ITM2B: variants seen among roughly 807,000 people sequenced by gnomAD.
The protein encoded by ITM2B is ABri/ADan amyloid peptide.
In ITM2B, 11 loss-of-function variants were observed where a neutral mutation model predicts 27.8. The observed-to-expected ratio is 0.40, with a 90% CI of 0.25 to 0.66. The LOEUF is 0.66. Among genes scored for constraint, ITM2B ranks in the 30% least tolerant of loss-of-function variants. The pLI is 0.43. For missense variants in ITM2B, 296 were observed against 328.9 expected, an observed-to-expected ratio of 0.90 and a Z score of 0.77; for synonymous variants, 114 against 114.3, an observed-to-expected ratio of 1.00 and a Z score of 0.02.
At position 48,262,707 on chromosome 13, in the gene ITM2B, G is replaced by A. The variant is rs1043822549; in HGVS notation, c.*1483G>A. 4 of 152,114 alleles carry A rather than the reference G, an allele frequency of 2.6e-5. No individual in the cohort carries two copies. Among genetic ancestry groups the A allele is most frequent in the South Asian group, 2.1e-4 (1 of 4,828 alleles). 9.4% of individuals were successfully genotyped at this position (152,114 alleles called of 1,614,324 possible). ...AAGAAGAAAAAAAGCCACTGCCGTC[G>A]TGGAGACTCACAATCTAGGAAAAGA... is the stretch of plus-strand genomic sequence containing the variant. On this transcript the variant is annotated 3_prime_UTR_variant, in exon 6 of 6. Coordinates refer to ENST00000647800, the MANE Select transcript of ITM2B (RefSeq NM_021999.5).
intron 1 of ITM2B, among the ~76,000 whole-genome samples, chr13:48,249,666 G>C (rs138894132): frequency 1.2e-3 from 186 of 152,202 alleles, no homozygotes; most frequent in African/African-American, 4.2e-3. Context: ...GTCAATTTTA[G>C]TGGGCATTCC....
intron 1 of ITM2B, among the ~76,000 whole-genome samples, chr13:48,247,332 G>A (rs1239025900): frequency 6.6e-6 from 1 of 151,952 alleles, no homozygotes; most frequent in Non-Finnish European, 1.5e-5. Flanking sequence ...TTGAATAAAT[G>A]GTATTGGTTC....
At position 48,262,854 on chromosome 13, in the gene ITM2B, T is replaced by C. The variant is rs1226980716; in HGVS notation, c.*1630T>C. 2 of 152,128 alleles carry C rather than the reference T, an allele frequency of 1.3e-5. No homozygotes were observed. The highest frequency in any genetic ancestry group is 2.9e-5 in the Non-Finnish European group (2 of 68,010). The allele number at this position is 152,128 out of a possible 1,614,324, so 9.4% of individuals were successfully genotyped here. A position where few individuals can be genotyped will look rare whatever the true frequency, so the allele number is the denominator to read the frequency against. On this transcript the variant is annotated 3_prime_UTR_variant, in exon 6 of 6. Coordinates refer to ENST00000647800, the MANE Select transcript of ITM2B (RefSeq NM_021999.5). Reference sequence around the variant, plus strand: ...TGAGACTTTCAGAATGTGAAGTGCATGGGATTAGGTCATGGAAGAAGACCA... The same window carrying C: ...TGAGACTTTCAGAATGTGAAGTGCACGGGATTAGGTCATGGAAGAAGACCA...
intron 1 of ITM2B, among the ~76,000 whole-genome samples, chr13:48,250,520 A>G (rs1951749564): frequency 6.6e-6 from 1 of 152,040 alleles, no homozygotes; most frequent in African/African-American, 2.4e-5. Flanking sequence ...CGGGAGACAG[A>G]GGCAGAAGAA....
At chr13:48,247,024 C>T (rs1951727850) in intron 1 of ITM2B, among the ~76,000 whole-genome samples, 1 of 152,152 alleles carries the variant, frequency 6.6e-6, no homozygotes, top group Non-Finnish European at 1.5e-5. Flanking sequence ...AGACGGGTTT[C>T]ACCATGTTGG....
intron 2 of ITM2B, chr13:48,254,877 CT>C (rs112734703): frequency 4.1e-4 from 60 of 146,978 alleles, no homozygotes; most frequent in African/African-American, 6.2e-4. Flanking sequence ...GGTGCATTAA[CT>C]TTTTTTTTTT....
In ITM2B at chr13:48,256,429, T is replaced by G. The variant is rs542014399; in HGVS notation, c.453+46T>G. The G allele has an allele frequency of 1.5e-5, 20 of 1,367,582 alleles. No homozygotes were observed. The Middle Eastern group carries it at 5.3e-4, about 36-fold the overall frequency. The allele number at this position is 1,367,582 out of a possible 1,614,324, so 84.7% of individuals were successfully genotyped here. A position where few individuals can be genotyped will look rare whatever the true frequency, so the allele number is the denominator to read the frequency against. On this transcript the variant is annotated intron_variant, in intron 3 of 5. Coordinates refer to ENST00000647800, the MANE Select transcript of ITM2B (RefSeq NM_021999.5). ...TGTAGAAAGAATGCAGGTTCTGTAG[T>G]TTATGCTTTTTGTAGTTTTAATTTC...
chr13:48,261,119 C>T lies in ITM2B; in HGVS notation c.716-20C>T. Reference sequence around the variant, plus strand: ...ATTAAAGAATCAAAATTTTAAAAAACTTTTTTCCCTCTCCAACAGGTATTC... The same window carrying T: ...ATTAAAGAATCAAAATTTTAAAAAATTTTTTTCCCTCTCCAACAGGTATTC... On this transcript the variant is annotated intron_variant, in intron 5 of 5. Transcript: ENST00000647800. 1 of 1,577,996 alleles carries T rather than the reference C, an allele frequency of 6.3e-7. No individual in the cohort carries two copies. Among genetic ancestry groups the T allele is most frequent in the Non-Finnish European group, 8.7e-7 (1 of 1,151,470 alleles).
At chr13:48,255,121 C>T (rs1045297113) in intron 2 of ITM2B, among the ~76,000 whole-genome samples, 1 of 152,014 alleles carries the variant, frequency 6.6e-6, no homozygotes, top group Non-Finnish European at 1.5e-5. Flanking sequence ...GGCGATCCAC[C>T]CACCTTGGCC....
chr13:48,233,262 C>T lies in ITM2B; in HGVS notation c.-99C>T, dbSNP rs1951645354. On this transcript the variant is annotated 5_prime_UTR_variant, in exon 1 of 6. Transcript: ENST00000647800. ...GAACCTCTTCAGCCGCCCGGAGCCG[C>T]TCCCGGAGCCCGGCCGTAGAGGCTG... 2 of 707,440 alleles carry T rather than the reference C, an allele frequency of 2.8e-6. No homozygotes were observed. Among genetic ancestry groups the T allele is most frequent in the Non-Finnish European group, 4.5e-6 (2 of 445,450 alleles). The allele number at this position is 707,440 out of a possible 1,614,324, so 43.8% of individuals were successfully genotyped here.
In ITM2B at chr13:48,248,054, C is replaced by A. The variant is rs188544640; in HGVS notation, c.118-5754C>A. The stretch of plus-strand genomic sequence containing the variant: ...AAATTAGGCCAGGTAAAGTTATATA[C>A]CCCAGTGAAGAAGCTCTTACTTGTT... On this transcript the variant is annotated intron_variant, in intron 1 of 5. Coordinates refer to ENST00000647800, the MANE Select transcript of ITM2B (RefSeq NM_021999.5). Among the ~76,000 whole-genome samples the A allele has an allele frequency of 2.7e-3, 408 of 151,944 alleles. 3 individuals are homozygous for A. Among genetic ancestry groups the A allele is most frequent in the Non-Finnish European group, 4.5e-3 (306 of 67,942 alleles).
chr13:48,253,367 G>A (rs1037088420), intron 1 of ITM2B, among the ~76,000 whole-genome samples: 3 of 152,102 alleles, frequency 2.0e-5, no homozygotes, highest in Admixed American at 2.0e-4. Context: ...CCTGTAGCAG[G>A]CCTAACACAT....
Position 48,251,850 on chromosome 13 carries a change from G to A in ITM2B, c.118-1958G>A, listed in dbSNP as rs368909887. The stretch of plus-strand genomic sequence containing the variant: ...TCCTTAGATATTTATGTCAGACAAG[G>A]GCTCAAGCAAAAGATGTATACTTCG... On this transcript the variant is annotated intron_variant, in intron 1 of 5. Coordinates refer to ENST00000647800, the MANE Select transcript of ITM2B (RefSeq NM_021999.5). Among the ~76,000 whole-genome samples, 6 of 152,198 alleles carry A rather than the reference G, an allele frequency of 3.9e-5. 1 individual carries two copies. The South Asian group carries it at 1.2e-3, about 32-fold the overall frequency.
chr13:48,240,973 C>T (rs563168666), intron 1 of ITM2B, among the ~76,000 whole-genome samples: 27 of 152,324 alleles, frequency 1.8e-4, no homozygotes, highest in African/African-American at 6.3e-4. Flanking sequence ...TAGATTAATT[C>T]AAAGCAATCA....
Position 48,233,375 on chromosome 13 carries a change from G to T in ITM2B, c.15G>T (p.Thr5=). 6.4e-7 allele frequency: 1 copy of T among 1,562,910 alleles called. No homozygotes were observed. The highest frequency in any genetic ancestry group is 8.6e-7 in the Non-Finnish European group (1 of 1,156,926). ...CAGGCCGCGCCATGGTGAAGGTGAC[G>T]TTCAACTCCGCTCTGGCCCAGAAGG... is the stretch of plus-strand genomic sequence containing the variant. MVKV[T]FNSALAQKEA... is the part of the protein sequence containing the mutation. Residue 5 remains threonine, a synonymous_variant, in exon 1 of 6, where the codon ACG becomes ACT. Transcript: ENST00000647800.
chr13:48,239,513 T>G (rs1269229771), intron 1 of ITM2B, among the ~76,000 whole-genome samples: 1 of 152,204 alleles, frequency 6.6e-6, no homozygotes, highest in Non-Finnish European at 1.5e-5. Flanking sequence ...GCGCCTGTGA[T>G]TCCAGCTTTT....
chr13:48,239,760 CA>C (rs908334754), intron 1 of ITM2B, among the ~76,000 whole-genome samples: 1 of 152,214 alleles, frequency 6.6e-6, no homozygotes, highest in Non-Finnish European at 1.5e-5. Flanking sequence ...TAGCCCAAAA[CA>C]CTGAAGGCAT....
rs750011562 is a variant in ITM2B at position 48,265,994 on chromosome 13, G to T, written c.*4770G>T. 6.6e-6 allele frequency: 1 copy of T among 152,094 alleles called. No individual in the cohort carries two copies. Among genetic ancestry groups the T allele is most frequent in the Non-Finnish European group, 1.5e-5 (1 of 68,030 alleles). 9.4% of individuals were successfully genotyped at this position (152,094 alleles called of 1,614,324 possible). A position where few individuals can be genotyped will look rare whatever the true frequency, so the allele number is the denominator to read the frequency against. ...TTAGTAGGGCACCTGACACATAGTT[G>T]CAGCTCTTATTTATTGAATGAATGA... On this transcript the variant is annotated 3_prime_UTR_variant, in exon 6 of 6. Coordinates refer to ENST00000647800, the MANE Select transcript of ITM2B (RefSeq NM_021999.5).
At chr13:48,252,997 A>G (rs1235990834) in intron 1 of ITM2B, among the ~76,000 whole-genome samples, 5 of 152,212 alleles carry the variant, frequency 3.3e-5, no homozygotes, top group Non-Finnish European at 7.3e-5. Context: ...CATGACCCCA[A>G]ATAATGTTCT....
Sources: gnomAD v4.1 joint callset for allele counts (sites outside exome capture counted in the v4.1 genomes callset) on GRCh38, gnomAD v4.1.1 for gene constraint, MANE v1.5 for transcripts, NCBI Gene and HGNC (gene_info 2026-07-23, HGNC 2026-07-21) for gene names.